QKI: variants seen among roughly 807,000 people sequenced by gnomAD.
QKI encodes the protein KH domain-containing RNA-binding protein QKI.
A neutral mutation model predicts 39.0 loss-of-function variants in QKI; 10 were observed. The ratio of observed to expected loss-of-function variants is 0.26; its 90% CI spans 0.16 to 0.43. QKI has a LOEUF of 0.43. Ranked by LOEUF, QKI falls within the 20% of genes least tolerant of loss-of-function variation. The pLI, the probability that QKI is intolerant of heterozygous loss-of-function variation, is 1.00. For missense variants in QKI, 218 were observed against 428.0 expected (o/e 0.51, Z 4.33); for synonymous variants, 204 against 155.4 (o/e 1.31, Z -2.33).
chr6:163,428,268 C>G (rs1312304731), intron 1 of QKI, among the ~76,000 whole-genome samples: 1 of 152,146 alleles, frequency 6.6e-6, no homozygotes, highest in Non-Finnish European at 1.5e-5. Flanking sequence ...TTTAGTACAT[C>G]AGATTGATTG....
intron 1 of QKI, chr6:163,416,228 A>G: frequency 6.0e-6 from 2 of 334,318 alleles, no homozygotes; most frequent in South Asian, 4.6e-5. Context: ...GTTTCCAAAA[A>G]GCTGTATGGA....
intron 7 of QKI, chr6:163,570,426 ATTT>A (rs1272117820): frequency 2.1e-6 from 2 of 956,068 alleles, no homozygotes; most frequent in African/African-American, 4.1e-5. Context: ...TTTTATTTCT[ATTT>A]TTTCTTGTTA....
intron 6 of QKI, chr6:163,565,413 G>C: frequency 1.0e-6 from 1 of 986,072 alleles, no homozygotes; most frequent in Non-Finnish European, 1.2e-6. Context: ...TTGCCACGTG[G>C]AATTGTACTT....
chr6:163,424,853 A>G (rs1788288797), intron 1 of QKI, among the ~76,000 whole-genome samples: 1 of 151,036 alleles, frequency 6.6e-6, no homozygotes, highest in Non-Finnish European at 1.5e-5. Flanking sequence ...CTGGTCTCCA[A>G]CTCCTGACCT....
intron 3 of QKI, among the ~76,000 whole-genome samples, chr6:163,522,655 T>C (rs1007982040): frequency 6.6e-6 from 1 of 152,180 alleles, no homozygotes; most frequent in Non-Finnish European, 1.5e-5. Context: ...TTTAGCATTG[T>C]GGTAAGCCCC....
intron 4 of QKI, among the ~76,000 whole-genome samples, chr6:163,545,309 T>C (rs937254968): frequency 1.3e-5 from 2 of 152,156 alleles, no homozygotes; most frequent in African/African-American, 2.4e-5. Context: ...TGGCTTATTC[T>C]GCATTAGGAC....
At chr6:163,500,757 T>C (rs987827968) in intron 3 of QKI, among the ~76,000 whole-genome samples, 6 of 152,172 alleles carry the variant, frequency 3.9e-5, no homozygotes, top group African/African-American at 1.4e-4. Flanking sequence ...TATGAATTAG[T>C]TGGAGTCGAA....
At chr6:163,561,741 C>T (rs1333346983) in intron 4 of QKI, among the ~76,000 whole-genome samples, 1 of 152,112 alleles carries the variant, frequency 6.6e-6, no homozygotes, top group East Asian at 1.9e-4. Flanking sequence ...TTTAATAAAT[C>T]GGTGTAACTG....
chr6:163,474,947 A>T (rs1792481403), intron 2 of QKI, among the ~76,000 whole-genome samples: 2 of 152,140 alleles, frequency 1.3e-5, no homozygotes, highest in South Asian at 4.1e-4. Context: ...GAGATAACTT[A>T]ACCAAATGGA....
At chr6:163,473,027 T>G (rs1320215659) in intron 2 of QKI, among the ~76,000 whole-genome samples, 1 of 152,110 alleles carries the variant, frequency 6.6e-6, no homozygotes, top group Non-Finnish European at 1.5e-5. Context: ...AGAAATCAAT[T>G]AAAGACAAAC....
intron 3 of QKI, among the ~76,000 whole-genome samples, chr6:163,486,891 T>C (rs1252974169): frequency 1.3e-5 from 2 of 152,212 alleles, no homozygotes; most frequent in South Asian, 2.1e-4. Flanking sequence ...TGATAGGTGA[T>C]AGGAAAGTAC....
intron 1 of QKI, among the ~76,000 whole-genome samples, chr6:163,444,116 A>G (rs181106297): frequency 6.6e-4 from 101 of 152,228 alleles, no homozygotes; most frequent in African/African-American, 2.4e-3. Context: ...TAGAATATAT[A>G]GTTCTGGCAG....
intron 3 of QKI, among the ~76,000 whole-genome samples, chr6:163,484,224 A>G (rs925149965): frequency 4.0e-5 from 6 of 149,678 alleles, no homozygotes; most frequent in Non-Finnish European, 8.9e-5. Context: ...TCTTTTTAAG[A>G]CAGAGTCTCA....
At chr6:163,482,825 A>G (rs1315186469) in intron 3 of QKI, among the ~76,000 whole-genome samples, 1 of 145,894 alleles carries the variant, frequency 6.9e-6, no homozygotes, top group African/African-American at 2.5e-5. Context: ...TGGAGGTTTC[A>G]TTATGTAGGC....
In QKI at chr6:163,535,039, C is replaced by G; in HGVS notation, c.460C>G (p.Leu154Val). 1 of 1,612,046 alleles carries G rather than the reference C, an allele frequency of 6.2e-7. No individual in the cohort carries two copies. The highest frequency in any genetic ancestry group is 8.5e-7 in the Non-Finnish European group (1 of 1,179,076). The change falls in exon 4 of 8, where the codon CTA (leucine) becomes GTA (valine). Residue 154 changes from leucine to valine, a missense_variant. By Grantham distance (32) the Leu-to-Val change is conservative. Coordinates refer to ENST00000361752, the MANE Select transcript of QKI (RefSeq NM_006775.3). Reference protein sequence around the residue: ...WEHLNEDLHVLITVEDAQNRA... With the variant: ...WEHLNEDLHVVITVEDAQNRA... The stretch of plus-strand genomic sequence containing the variant: ...GCATCTAAATGAAGATTTACATGTA[C>G]TAATCACTGTGGAAGATGCTCAGAA...
At chr6:163,502,980 TCTCTTTTC>T (rs1436060020) in intron 3 of QKI, among the ~76,000 whole-genome samples, 1 of 152,160 alleles carries the variant, frequency 6.6e-6, no homozygotes, top group African/African-American at 2.4e-5. Flanking sequence ...ATATAAATGT[TCTCTTTTC>T]CTCTTAGCCT....
chr6:163,507,729 C>T (rs554727528), intron 3 of QKI, among the ~76,000 whole-genome samples: 2 of 152,084 alleles, frequency 1.3e-5, no homozygotes, highest in South Asian at 4.1e-4. Flanking sequence ...TACTACAAAA[C>T]AAAACGAAAA....
intron 3 of QKI, among the ~76,000 whole-genome samples, chr6:163,480,803 G>A (rs1451966946): frequency 6.6e-6 from 1 of 152,144 alleles, no homozygotes; most frequent in Non-Finnish European, 1.5e-5. Context: ...ATTGCCTATG[G>A]ACAATGAATG....
intron 4 of QKI, among the ~76,000 whole-genome samples, chr6:163,557,918 T>A (rs1363336722): frequency 6.6e-6 from 1 of 152,144 alleles, no homozygotes; most frequent in Admixed American, 6.5e-5. Flanking sequence ...GATTCTTGAA[T>A]ATAGGGCAAA....
Sources: allele counts gnomAD v4.1 joint callset (sites outside exome capture counted in the v4.1 genomes callset), GRCh38; gene constraint gnomAD v4.1.1; transcripts MANE v1.5; gene names NCBI Gene and HGNC (gene_info 2026-07-23, HGNC 2026-07-21).